Variants in EXT2 observed in about 807,000 individuals in gnomAD.
The protein encoded by EXT2 is exostosin-2.
A neutral mutation model predicts 81.6 loss-of-function variants in EXT2; 53 were observed. The observed-to-expected ratio is 0.65, with a 90% confidence interval of 0.52 to 0.82. The LOEUF is 0.82. Among genes scored for constraint, EXT2 ranks in the 40% least tolerant of loss-of-function variants. The pLI, the probability that EXT2 is intolerant of heterozygous loss-of-function variation, is 0.00. For missense variants in EXT2, 774 were observed against 910.2 expected, an observed-to-expected ratio of 0.85 and a Z score of 1.93; for synonymous variants, 320 against 340.0, an observed-to-expected ratio of 0.94 and a Z score of 0.65.
chr11:44,238,635 T>TG (rs775372507), intron 13 of EXT2, among the ~76,000 whole-genome samples: 38 of 152,214 alleles, frequency 2.5e-4, no homozygotes, highest in Admixed American at 2.3e-3. Context: ...GGGCTGTAAC[T>TG]GATCAGGTGA....
chr11:44,198,048 G>C (rs1955479575), intron 9 of EXT2, 30 bp downstream of exon 9: 1 of 1,612,158 alleles, frequency 6.2e-7, no homozygotes, highest in Admixed American at 1.7e-5. Context: ...CTCTCAGCTG[G>C]ATCAATTTTG....
At chr11:44,159,478 A>G (rs7930973) in intron 7 of EXT2, among the ~76,000 whole-genome samples, 62,638 of 151,852 alleles carry the variant, frequency 0.41, 13,000 homozygotes, top group Middle Eastern at 0.51. Flanking sequence ...TTTGATCTCT[A>G]TCATTTCTTT....
chr11:44,137,115 A>T (rs746019555), intron 7 of EXT2, among the ~76,000 whole-genome samples: 1 of 152,186 alleles, frequency 6.6e-6, no homozygotes, highest in Non-Finnish European at 1.5e-5. Flanking sequence ...GGAATTCTTA[A>T]AGAAGACCAT....
intron 10 of EXT2, among the ~76,000 whole-genome samples, chr11:44,211,188 T>C (rs912296684): frequency 1.3e-5 from 2 of 152,194 alleles, no homozygotes; most frequent in African/African-American, 2.4e-5. Flanking sequence ...GGAATGTAAA[T>C]TGATACAGCC....
At chr11:44,171,478 G>T in intron 7 of EXT2, 133 bp from the exon 8 acceptor site, 1 of 1,332,660 alleles carries the variant, frequency 7.5e-7, no homozygotes. Flanking sequence ...GGGAGCATAT[G>T]CCCTAGGCAC....
Position 44,234,515 on chromosome 11 carries a change from T to C in EXT2, c.1935+272T>C, listed in dbSNP as rs187004318. Among the ~76,000 whole-genome samples the C allele has an allele frequency of 1.4e-4, 22 of 152,150 alleles. No individual in the cohort carries two copies. In the East Asian group the frequency reaches 4.3e-3, roughly 29 times the overall value. ...AAGGCTATGATGATCAGTCTATAAA[T>C]CAAAAAATTATATTCTCAAAGCTGA... On this transcript the variant is annotated intron_variant, in intron 12 of 13. Coordinates refer to ENST00000533608, the MANE Select transcript of EXT2 (RefSeq NM_207122.2).
intron 3 of EXT2, 22 bp downstream of exon 3, chr11:44,109,305 G>T: frequency 6.3e-7 from 1 of 1,591,968 alleles, no homozygotes. Context: ...ATTTGGGGCT[G>T]TCCTTATGAT....
chr11:44,196,472 G>A (rs1955457427), intron 8 of EXT2, among the ~76,000 whole-genome samples: 2 of 151,986 alleles, frequency 1.3e-5, no homozygotes, highest in Admixed American at 6.6e-5. Context: ...CTATTAAATA[G>A]ATGTTGGACC....
At chr11:44,241,421 A>G (rs1381387057) in intron 13 of EXT2, among the ~76,000 whole-genome samples, 1 of 152,204 alleles carries the variant, frequency 6.6e-6, no homozygotes, top group Non-Finnish European at 1.5e-5. Flanking sequence ...AGGGATATTA[A>G]TATCTGTCAA....
chr11:44,109,351 T>G (rs1036497493), intron 3 of EXT2, 68 bp downstream of exon 3: 56 of 1,294,308 alleles, frequency 4.3e-5, no homozygotes, highest in East Asian at 2.3e-5. Context: ...GAAATTATAT[T>G]CCTAAATCTA....
intron 9 of EXT2, among the ~76,000 whole-genome samples, chr11:44,202,121 A>G (rs899857734): frequency 6.6e-6 from 1 of 152,206 alleles, no homozygotes; most frequent in Non-Finnish European, 1.5e-5. Flanking sequence ...GTAACCATGT[A>G]TCTTAAAAAG....
At chr11:44,131,311 G>A (rs1384909763) in intron 7 of EXT2, among the ~76,000 whole-genome samples, 1 of 152,146 alleles carries the variant, frequency 6.6e-6, no homozygotes, top group African/African-American at 2.4e-5. Context: ...GAGGTTAGTG[G>A]ATGTGTTCAG....
chr11:44,147,558 G>T (rs1288757450), intron 7 of EXT2, among the ~76,000 whole-genome samples: 4 of 149,700 alleles, frequency 2.7e-5, no homozygotes, highest in East Asian at 2.0e-4. Flanking sequence ...AAGATACCTG[G>T]TTTTTTGTTG....
Position 44,244,432 on chromosome 11 carries a change from C to T in EXT2, c.*145C>T. 1 of 778,404 alleles carries T rather than the reference C, an allele frequency of 1.3e-6. No homozygotes were observed. The highest frequency in any genetic ancestry group is 2.2e-6 in the Non-Finnish European group (1 of 463,066). 48.2% of individuals were successfully genotyped at this position (778,404 alleles called of 1,614,324 possible). ...GGCATGCACCCACCTAACCCACTTT[C>T]TCAAGAACAAGAACCTAGAATGAAT... On this transcript the variant is annotated 3_prime_UTR_variant, in exon 14 of 14. Transcript: ENST00000533608.
chr11:44,179,759 T>G (rs532597743), intron 8 of EXT2, among the ~76,000 whole-genome samples: 48 of 152,364 alleles, frequency 3.2e-4, no homozygotes, highest in African/African-American at 1.2e-3. Flanking sequence ...AATTGATTAA[T>G]ATTTGAGTAT....
At chr11:44,112,572 A>C (rs1954160531) in intron 3 of EXT2, among the ~76,000 whole-genome samples, 1 of 152,220 alleles carries the variant, frequency 6.6e-6, no homozygotes, top group Admixed American at 6.5e-5. Context: ...TGGCAGAAGA[A>C]GATACAGTGC....
At chr11:44,183,200 GT>G (rs1478854024) in intron 8 of EXT2, among the ~76,000 whole-genome samples, 1 of 152,168 alleles carries the variant, frequency 6.6e-6, no homozygotes, top group Non-Finnish European at 1.5e-5. Context: ...GTTTCTGGGA[GT>G]TTCTCCAATG....
At chr11:44,107,589 A>T in intron 1 of EXT2, 94 bp from the exon 2 acceptor site, 1 of 1,253,610 alleles carries the variant, frequency 8.0e-7, no homozygotes, top group Non-Finnish European at 1.1e-6. Context: ...GTCTCAAAAC[A>T]AAACAAAACA....
At position 44,109,286 on chromosome 11, in the gene EXT2, A is replaced by C. The variant is rs200934340; in HGVS notation, c.626+3A>C. On this transcript the variant is annotated splice_donor_region_variant and intron_variant, in intron 3 of 13. Transcript: ENST00000533608. ...GCCCTGGATGTCCCCAGAGACAGGT[A>C]GGAGGCATATTTGGGGCTGTCCTTA... 5.2e-5 allele frequency: 84 copies of C among 1,613,640 alleles called. No homozygotes were observed. Among genetic ancestry groups the C allele is most frequent in the Non-Finnish European group, 6.9e-5 (81 of 1,179,676 alleles).
Sources: allele counts gnomAD v4.1 joint callset (sites outside exome capture counted in the v4.1 genomes callset), GRCh38; gene constraint gnomAD v4.1.1; transcripts MANE v1.5; gene names NCBI Gene and HGNC (gene_info 2026-07-23, HGNC 2026-07-21).